The following PDE3A variants were observed in gnomAD, a reference collection of about 807,000 sequenced individuals.
PDE3A encodes the protein phosphodiesterase 3A.
In PDE3A, 43 loss-of-function variants were observed where a neutral mutation model predicts 98.3. The observed-to-expected ratio is 0.44, with a 90% confidence interval of 0.34 to 0.56. The LOEUF (loss-of-function observed/expected upper bound fraction) is 0.56. PDE3A is among the 20% of genes least tolerant of loss of function. The pLI is 0.01. For missense variants in PDE3A, 1,427 were observed against 1,440.7 expected (o/e 0.99, Z 0.15); for synonymous variants, 663 against 567.9 (o/e 1.17, Z -2.38).
intron 6 of PDE3A, among the ~76,000 whole-genome samples, chr12:20,632,714 TTC>T (rs1944408720): frequency 6.6e-6 from 1 of 152,142 alleles, no homozygotes; most frequent in African/African-American, 2.4e-5. Flanking sequence ...TAGGGCCTGT[TTC>T]TCTCAACCAG....
intron 2 of PDE3A, among the ~76,000 whole-genome samples, chr12:20,587,259 C>T (rs12301046): frequency 0.025 from 3,757 of 152,216 alleles, 158 homozygotes; most frequent in African/African-American, 0.087. Context: ...ATCCCAGCTA[C>T]TCAGGAGGCT....
chr12:20,630,171 A>T (rs200373976), intron 6 of PDE3A, 44 bp downstream of exon 6: 3 of 1,367,754 alleles, frequency 2.2e-6, no homozygotes, highest in Non-Finnish European at 3.1e-6. Flanking sequence ...AAAAACGATG[A>T]TAGTTTTCCC....
intron 2 of PDE3A, among the ~76,000 whole-genome samples, chr12:20,600,099 G>A (rs558396233): frequency 3.6e-4 from 55 of 152,176 alleles, no homozygotes; most frequent in African/African-American, 1.3e-3. Context: ...TTTAAAAGTT[G>A]ATATTGATTA....
At chr12:20,451,925 T>G (rs1160059678) in intron 1 of PDE3A, among the ~76,000 whole-genome samples, 1 of 152,182 alleles carries the variant, frequency 6.6e-6, no homozygotes, top group Non-Finnish European at 1.5e-5. Context: ...TTAACCGCAT[T>G]TCTCTTCATT....
At chr12:20,515,492 A>G (rs1381465116) in intron 1 of PDE3A, among the ~76,000 whole-genome samples, 1 of 152,168 alleles carries the variant, frequency 6.6e-6, no homozygotes, top group African/African-American at 2.4e-5. Flanking sequence ...CCTAGAGGAC[A>G]GTTGATATGG....
At chr12:20,505,826 C>A (rs1258819123) in intron 1 of PDE3A, among the ~76,000 whole-genome samples, 1 of 151,764 alleles carries the variant, frequency 6.6e-6, no homozygotes, top group Non-Finnish European at 1.5e-5. Context: ...AGGCTTTTTG[C>A]AAGAAAATAT....
chr12:20,639,186 A>G (rs1241629507), intron 9 of PDE3A, among the ~76,000 whole-genome samples: 3 of 152,108 alleles, frequency 2.0e-5, no homozygotes, highest in African/African-American at 7.2e-5. Flanking sequence ...TGAGCTGGGA[A>G]TGGGAGAAAA....
rs576925455 is a variant in PDE3A at position 20,386,172 on chromosome 12, A to T, written c.960+15928A>T. 4.3e-3 allele frequency among the ~76,000 whole-genome samples: 202 copies of T among 46,972 alleles called. 8 individuals are homozygous for T. The highest frequency in any genetic ancestry group is 0.019 in the Middle Eastern group (3 of 160). The allele number at this position is 46,972 out of a possible 152,430, so 30.8% of individuals were successfully genotyped here. A position where few individuals can be genotyped will look rare whatever the true frequency, so the allele number is the denominator to read the frequency against. On this transcript the variant is annotated intron_variant, in intron 1 of 15. Transcript: ENST00000359062. ...ATATATAAATATATATAAATATATA[A>T]AAATATATATAAATATATATAAATA...
intron 2 of PDE3A, among the ~76,000 whole-genome samples, chr12:20,611,211 A>C (rs1264477198): frequency 8.2e-6 from 1 of 121,232 alleles, no homozygotes; most frequent in Non-Finnish European, 1.7e-5. Context: ...TTCTACTTTT[A>C]GCTCAGAAAA....
intron 2 of PDE3A, among the ~76,000 whole-genome samples, chr12:20,602,754 C>T (rs896209749): frequency 3.9e-5 from 6 of 152,124 alleles, no homozygotes; most frequent in African/African-American, 9.7e-5. Flanking sequence ...AATTAAAATA[C>T]GCAAACATCT....
At chr12:20,374,160 A>G (rs1453537404) in intron 1 of PDE3A, among the ~76,000 whole-genome samples, 1 of 152,138 alleles carries the variant, frequency 6.6e-6, no homozygotes, top group Admixed American at 6.6e-5. Context: ...CTGAAAAGGG[A>G]AAACAAGATT....
intron 2 of PDE3A, among the ~76,000 whole-genome samples, chr12:20,574,205 G>A (rs1428331290): frequency 6.6e-6 from 1 of 152,028 alleles, no homozygotes; most frequent in Admixed American, 6.6e-5. Context: ...GGTCCATGGG[G>A]GTAAAATTAA....
rs192110500 is a variant in PDE3A at position 20,441,776 on chromosome 12, C to G, written c.960+71532C>G. 2.6e-5 allele frequency among the ~76,000 whole-genome samples: 4 copies of G among 152,236 alleles called. No homozygotes were observed. The East Asian group carries it at 7.7e-4, about 29-fold the overall frequency. On this transcript the variant is annotated intron_variant, in intron 1 of 15. Coordinates refer to ENST00000359062, the MANE Select transcript of PDE3A (RefSeq NM_000921.5). ...CTCCCAATTACTCTGTCTCATCTCA[C>G]CCATCCCTCTCTTCAACCCTGCCTT...
At chr12:20,467,834 C>T (rs12814317) in intron 1 of PDE3A, among the ~76,000 whole-genome samples, 39 of 150,032 alleles carry the variant, frequency 2.6e-4, no homozygotes, top group African/African-American at 8.6e-4. Context: ...ACTCAGGAGG[C>T]TGAGGCAGAA....
At chr12:20,520,981 G>A (rs1002723332) in intron 1 of PDE3A, among the ~76,000 whole-genome samples, 9 of 152,326 alleles carry the variant, frequency 5.9e-5, no homozygotes, top group Middle Eastern at 3.4e-3. Flanking sequence ...GTGATGGGCC[G>A]TTCTTCATGT....
In PDE3A at chr12:20,552,581, C is replaced by T. The variant is rs576997990; in HGVS notation, c.961-4079C>T. ...GGCAAGGGCAAGTGGAAGCGGAAGTCGGCAGGAGGTGGCCCGAGCAGGGCC... is the reference window on the plus strand; with the variant it reads ...GGCAAGGGCAAGTGGAAGCGGAAGTTGGCAGGAGGTGGCCCGAGCAGGGCC... On this transcript the variant is annotated intron_variant, in intron 1 of 15. Transcript: ENST00000359062. This position sits in a 1 kb window ranked among gnomAD's most constrained non-coding sequence, Gnocchi z 5.1. 36 of 1,613,606 alleles carry T rather than the reference C, an allele frequency of 2.2e-5. No individual in the cohort carries two copies. Among genetic ancestry groups the T allele is most frequent in the Middle Eastern group, 1.6e-4 (1 of 6,076 alleles).
chr12:20,648,265 T>A (rs1371046726), intron 12 of PDE3A, among the ~76,000 whole-genome samples: 1 of 150,578 alleles, frequency 6.6e-6, no homozygotes, highest in East Asian at 1.9e-4. Flanking sequence ...TATTGTGGCA[T>A]TGGTATAATT....
intron 1 of PDE3A, among the ~76,000 whole-genome samples, chr12:20,458,120 G>A (rs1945183936): frequency 7.5e-6 from 1 of 133,532 alleles, no homozygotes; most frequent in Non-Finnish European, 1.7e-5. Context: ...TCACATAGAT[G>A]CATTTATTAT....
intron 14 of PDE3A, among the ~76,000 whole-genome samples, chr12:20,651,999 ATGAG>A (rs1299786382): frequency 6.8e-5 from 10 of 146,446 alleles, no homozygotes; most frequent in African/African-American, 2.6e-4. Flanking sequence ...GTTCCCACCT[ATGAG>A]TGAGAACATG....
Sources: gnomAD v4.1 joint callset for allele counts (sites outside exome capture counted in the v4.1 genomes callset) on GRCh38, gnomAD v4.1.1 for gene constraint, Gnocchi (gnomAD v3.1) non-coding constraint, MANE v1.5 for transcripts, NCBI Gene and HGNC (gene_info 2026-07-23, HGNC 2026-07-21) for gene names.